The following RHOBTB1 variants were observed in gnomAD, a reference collection of about 807,000 sequenced individuals.
RHOBTB1 encodes the protein Rho related BTB domain containing 1.
In RHOBTB1, 40 loss-of-function variants were observed where a neutral mutation model predicts 71.6. The ratio of observed to expected loss-of-function variants is 0.56; its 90% CI spans 0.43 to 0.73. RHOBTB1 has a LOEUF of 0.73. RHOBTB1 is among the 30% of genes least tolerant of loss of function. The pLI is 0.00. For synonymous variants in RHOBTB1, 319 were observed against 334.9 expected, an observed-to-expected ratio of 0.95 and a Z score of 0.52; for missense variants, 797 against 894.0, an observed-to-expected ratio of 0.89 and a Z score of 1.38.
chr10:60,969,536 A>C (rs2086081796), intron 2 of RHOBTB1, among the ~76,000 whole-genome samples: 1 of 152,076 alleles, frequency 6.6e-6, no homozygotes, highest in South Asian at 2.1e-4. Flanking sequence ...TCAACAGTTC[A>C]TTAGCCCCAA....
intron 2 of RHOBTB1, among the ~76,000 whole-genome samples, chr10:60,969,295 G>A (rs2086074331): frequency 6.6e-6 from 1 of 152,100 alleles, no homozygotes; most frequent in African/African-American, 2.4e-5. Flanking sequence ...GGAATTTCAG[G>A]TGTCACTCTG....
chr10:60,981,052 T>G (rs932769802), intron 2 of RHOBTB1, among the ~76,000 whole-genome samples: 3 of 152,256 alleles, frequency 2.0e-5, no homozygotes, highest in Non-Finnish European at 4.4e-5. Flanking sequence ...TCCTTAAAAA[T>G]ATCCTTACTG....
intron 9 of RHOBTB1, among the ~76,000 whole-genome samples, chr10:60,872,984 C>T (rs1188562251): frequency 2.6e-5 from 4 of 152,214 alleles, no homozygotes; most frequent in Non-Finnish European, 5.9e-5. Context: ...TCTCTGACTT[C>T]CCTTCTGTTG....
intron 2 of RHOBTB1, among the ~76,000 whole-genome samples, chr10:60,971,238 A>G (rs1044914727): frequency 3.3e-5 from 5 of 152,090 alleles, no homozygotes; most frequent in Non-Finnish European, 7.4e-5. Context: ...TATAGCCAAG[A>G]TAATCCTAAG....
At chr10:60,992,336 G>A (rs1009179905) in intron 1 of RHOBTB1, among the ~76,000 whole-genome samples, 5 of 152,122 alleles carry the variant, frequency 3.3e-5, no homozygotes, top group East Asian at 1.9e-4. Context: ...AGATATGAAG[G>A]TAGTATTTTC....
chr10:60,880,263 CAGAGAG>C (rs374461338), intron 7 of RHOBTB1, among the ~76,000 whole-genome samples: 3 of 107,140 alleles, frequency 2.8e-5, no homozygotes, highest in African/African-American at 1.0e-4. Flanking sequence ...GAGTGAGAGA[CAGAGAG>C]AGAGAGAGAG....
chr10:60,934,404 C>T (rs1018954817), intron 2 of RHOBTB1, among the ~76,000 whole-genome samples: 2 of 152,124 alleles, frequency 1.3e-5, no homozygotes, highest in Non-Finnish European at 2.9e-5. Flanking sequence ...CTACATAGCC[C>T]CTCAGCATAG....
chr10:60,914,276 C>T (rs2083152452), intron 2 of RHOBTB1, among the ~76,000 whole-genome samples: 1 of 152,050 alleles, frequency 6.6e-6, no homozygotes, highest in African/African-American at 2.4e-5. Flanking sequence ...TTGTCTGAGG[C>T]ATTTCTCAAT....
intron 7 of RHOBTB1, among the ~76,000 whole-genome samples, chr10:60,885,435 G>A (rs543275316): frequency 1.3e-5 from 2 of 152,286 alleles, no homozygotes; most frequent in African/African-American, 2.4e-5. Context: ...AGCTGCTTCC[G>A]CTAGACCTAA....
At chr10:60,928,381 T>C (rs910459045) in intron 2 of RHOBTB1, among the ~76,000 whole-genome samples, 1 of 152,024 alleles carries the variant, frequency 6.6e-6, no homozygotes, top group African/African-American at 2.4e-5. Flanking sequence ...ATTCCCATGT[T>C]TACTGCAGCA....
the RHOBTB1 span, among the ~76,000 whole-genome samples, chr10:60,863,779 C>T: frequency 6.6e-6 from 1 of 152,140 alleles, no homozygotes; most frequent in Non-Finnish European, 1.5e-5. Flanking sequence ...GTGATCCGCC[C>T]ACCTCGGCCT....
chr10:60,889,579 G>A (rs941832353), intron 5 of RHOBTB1, among the ~76,000 whole-genome samples: 2 of 151,672 alleles, frequency 1.3e-5, no homozygotes, highest in Non-Finnish European at 1.5e-5. Context: ...AATTCTGATA[G>A]CTTTTTTTGT....
intron 2 of RHOBTB1, among the ~76,000 whole-genome samples, chr10:60,975,975 C>G (rs879691202): frequency 6.6e-5 from 10 of 152,044 alleles, no homozygotes; most frequent in Non-Finnish European, 1.3e-4. Context: ...TCTGCCCAGT[C>G]AGTTCATTGT....
intron 1 of RHOBTB1, among the ~76,000 whole-genome samples, chr10:60,988,450 C>T (rs2086744976): frequency 6.6e-6 from 1 of 151,742 alleles, no homozygotes; most frequent in Non-Finnish European, 1.5e-5. Flanking sequence ...TTGTTCAGCC[C>T]TTGCCCCTCC....
chr10:60,873,275 T>A (rs2080887861), intron 9 of RHOBTB1, among the ~76,000 whole-genome samples: 1 of 152,246 alleles, frequency 6.6e-6, no homozygotes, highest in Admixed American at 6.5e-5. Context: ...TGTGCATTTC[T>A]TCCCTACTTT....
chr10:60,957,509 G>T (rs576807742), intron 2 of RHOBTB1, among the ~76,000 whole-genome samples: 1 of 152,200 alleles, frequency 6.6e-6, no homozygotes, highest in African/African-American at 2.4e-5. Context: ...GGACTTAAAT[G>T]GTTCCCAGAT....
At chr10:61,000,468 C>T (rs993195409) in intron 1 of RHOBTB1, among the ~76,000 whole-genome samples, 2 of 152,132 alleles carry the variant, frequency 1.3e-5, no homozygotes, top group African/African-American at 4.8e-5. Flanking sequence ...CTCAGTAATA[C>T]AGCGCATAAA....
chr10:60,955,039 CTTTCTTT>C (rs2085538378), intron 2 of RHOBTB1, among the ~76,000 whole-genome samples: 1 of 117,234 alleles, frequency 8.5e-6, no homozygotes, highest in Admixed American at 8.7e-5. Context: ...TCTTTTCTTT[CTTTCTTT>C]TTTTTTTTTT....
intron 2 of RHOBTB1, among the ~76,000 whole-genome samples, chr10:60,936,745 G>A (rs2084607304): frequency 6.6e-6 from 1 of 152,208 alleles, no homozygotes; most frequent in African/African-American, 2.4e-5. Context: ...ACTTTAACAA[G>A]ATGCCCATTT....
Sources: gnomAD v4.1 joint callset for allele counts (sites outside exome capture counted in the v4.1 genomes callset) on GRCh38, gnomAD v4.1.1 for gene constraint, MANE v1.5 for transcripts, NCBI Gene and HGNC (gene_info 2026-07-23, HGNC 2026-07-21) for gene names.